The following VRK2 variants were observed in gnomAD, a reference collection of about 807,000 sequenced individuals.
VRK2 encodes VRK serine/threonine kinase 2.
VRK2 carries 60 observed loss-of-function variants against 57.6 expected under a neutral mutation model. That is an observed-to-expected ratio of 1.04 (90% CI 0.85 to 1.29). VRK2 has a LOEUF of 1.29. VRK2 is among the 50% of genes most tolerant of loss of function. The probability of loss-of-function intolerance (pLI) is 0.00; values close to 1 mark genes in which losing one functional copy is unlikely to be tolerated. For synonymous variants in VRK2, 231 were observed against 199.2 expected, an observed-to-expected ratio of 1.16 and a Z score of -1.35; for missense variants, 705 against 588.1, an observed-to-expected ratio of 1.20 and a Z score of -2.06.
intron 7 of VRK2, among the ~76,000 whole-genome samples, chr2:58,099,847 A>G (rs765060397): frequency 1.3e-5 from 2 of 152,080 alleles, no homozygotes; most frequent in Non-Finnish European, 2.9e-5. Flanking sequence ...TTGGCTTTCT[A>G]GTGTATAAAA....
intron 1 of VRK2, among the ~76,000 whole-genome samples, chr2:57,921,367 T>C (rs946565707): frequency 2.6e-5 from 4 of 151,806 alleles, no homozygotes; most frequent in African/African-American, 9.7e-5. Flanking sequence ...ACCAAACAGT[T>C]GATCTCCCAC....
chr2:57,959,062 G>T (rs1010837575), intron 1 of VRK2, among the ~76,000 whole-genome samples: 2 of 152,202 alleles, frequency 1.3e-5, no homozygotes, highest in Non-Finnish European at 2.9e-5. Context: ...AGAGGCAGGG[G>T]TCGTTGCCAT....
At chr2:58,086,508 A>T in intron 5 of VRK2, 82 bp downstream of exon 5, 1 of 1,223,706 alleles carries the variant, frequency 8.2e-7, no homozygotes, top group South Asian at 1.6e-5. Context: ...CCATGTAACA[A>T]ATTACCAAAA....
At chr2:58,090,504 G>A (rs1672229629) in intron 7 of VRK2, among the ~76,000 whole-genome samples, 1 of 151,862 alleles carries the variant, frequency 6.6e-6, no homozygotes, top group African/African-American at 2.4e-5. Context: ...GCCATTAGCA[G>A]TATGTGGCTA....
chr2:58,076,505 T>A (rs1374342690), intron 2 of VRK2, among the ~76,000 whole-genome samples: 2 of 152,084 alleles, frequency 1.3e-5, no homozygotes, highest in African/African-American at 4.8e-5. Flanking sequence ...TTTTCACCAT[T>A]GTAAAGTAGA....
intron 1 of VRK2, among the ~76,000 whole-genome samples, chr2:57,987,515 G>A (rs1672635456): frequency 6.6e-6 from 1 of 152,144 alleles, no homozygotes; most frequent in African/African-American, 2.4e-5. Flanking sequence ...AGTTCCTGAT[G>A]TGGGTGCAGA....
chr2:57,967,692 C>T (rs1007049820), intron 1 of VRK2, among the ~76,000 whole-genome samples: 1 of 150,676 alleles, frequency 6.6e-6, no homozygotes, highest in East Asian at 1.9e-4. Context: ...CTTCCTGGAC[C>T]TTAAGAACTT....
chr2:58,103,869 C>G (rs1282352695), intron 7 of VRK2, among the ~76,000 whole-genome samples: 1 of 151,678 alleles, frequency 6.6e-6, no homozygotes, highest in Admixed American at 6.6e-5. Context: ...AACCAAATCC[C>G]ACAGTGCATT....
At chr2:57,950,645 A>G (rs1671398520) in intron 1 of VRK2, among the ~76,000 whole-genome samples, 1 of 152,242 alleles carries the variant, frequency 6.6e-6, no homozygotes, top group Non-Finnish European at 1.5e-5. Flanking sequence ...TCTGCTGCTC[A>G]TGGATCTAGG....
At chr2:58,080,948 T>C (rs1050885548) in intron 2 of VRK2, among the ~76,000 whole-genome samples, 2 of 152,112 alleles carry the variant, frequency 1.3e-5, no homozygotes, top group African/African-American at 2.4e-5. Context: ...GTGTAATTTC[T>C]TTTGTGTTTC....
chr2:57,921,625 G>T (rs1171851534), intron 1 of VRK2, among the ~76,000 whole-genome samples: 1 of 152,060 alleles, frequency 6.6e-6, no homozygotes, highest in Non-Finnish European at 1.5e-5. Context: ...AATTTTGAAA[G>T]GTGCCTCTAC....
chr2:58,020,015 T>A (rs1039064305), intron 1 of VRK2, among the ~76,000 whole-genome samples: 2 of 152,180 alleles, frequency 1.3e-5, no homozygotes, highest in African/African-American at 4.8e-5. Context: ...TTAAAACATG[T>A]AGAAGGTCTA....
At chr2:58,018,347 T>G (rs1673649124) in intron 1 of VRK2, among the ~76,000 whole-genome samples, 2 of 152,230 alleles carry the variant, frequency 1.3e-5, no homozygotes, top group South Asian at 4.1e-4. Flanking sequence ...GGTCCAGTTC[T>G]GAAATGAGAG....
At chr2:58,065,932 G>A (rs1668545041) in intron 2 of VRK2, among the ~76,000 whole-genome samples, 1 of 151,870 alleles carries the variant, frequency 6.6e-6, no homozygotes, top group South Asian at 2.1e-4. Flanking sequence ...GTAGTATGTT[G>A]TGTGTTGTGT....
chr2:57,976,403 G>C (rs538462246), intron 1 of VRK2, among the ~76,000 whole-genome samples: 2 of 152,142 alleles, frequency 1.3e-5, no homozygotes, highest in South Asian at 4.2e-4. Context: ...CCTTTGCTCT[G>C]TAACCTCGCA....
chr2:58,044,459 G>A (rs993205846), upstream of VRK2, among the ~76,000 whole-genome samples: 1 of 152,146 alleles, frequency 6.6e-6, no homozygotes, highest in Non-Finnish European at 1.5e-5. Flanking sequence ...CAGTAGTGAC[G>A]AAAACAGGCA....
chr2:57,952,121 G>A (rs1671446342), intron 1 of VRK2, among the ~76,000 whole-genome samples: 1 of 151,680 alleles, frequency 6.6e-6, no homozygotes, highest in Non-Finnish European at 1.5e-5. Flanking sequence ...TTTATAGAGA[G>A]AGAGAGATAG....
At chr2:57,942,810 C>A (rs1671141590) in intron 1 of VRK2, among the ~76,000 whole-genome samples, 1 of 152,142 alleles carries the variant, frequency 6.6e-6, no homozygotes, top group Non-Finnish European at 1.5e-5. Flanking sequence ...AATGATACTT[C>A]AGTTTACAGT....
intron 1 of VRK2, among the ~76,000 whole-genome samples, chr2:58,019,234 C>A (rs1351328687): frequency 6.6e-6 from 1 of 152,144 alleles, no homozygotes; most frequent in Admixed American, 6.6e-5. Context: ...GTTGCTATCA[C>A]AAAGTTGGCA....
Sources: allele counts gnomAD v4.1 joint callset (sites outside exome capture counted in the v4.1 genomes callset), GRCh38; gene constraint gnomAD v4.1.1; transcripts MANE v1.5; gene names NCBI Gene and HGNC (gene_info 2026-07-23, HGNC 2026-07-21).